The following ARAP3 variants were observed in gnomAD, a reference collection of about 807,000 sequenced individuals.
The protein encoded by ARAP3 is ArfGAP with RhoGAP domain, ankyrin repeat and PH domain 3.
Under a neutral mutation model 169.2 loss-of-function variants are expected in ARAP3, and 82 were observed. The ratio of observed to expected loss-of-function variants is 0.48; its 90% confidence interval spans 0.41 to 0.58. The LOEUF (loss-of-function observed/expected upper bound fraction) is 0.58, where lower values mean the gene tolerates loss of function less well. Ranked by LOEUF, ARAP3 falls within the 20% of genes least tolerant of loss-of-function variation. The pLI is 0.00. For synonymous variants in ARAP3, 791 were observed against 800.3 expected, an observed-to-expected ratio of 0.99 and a Z score of 0.20; for missense variants, 1,764 against 2,018.0, an observed-to-expected ratio of 0.87 and a Z score of 2.41.
Position 141,655,739 on chromosome 5 carries a change from ACTGGCTG to A in ARAP3, c.3985_3991del (p.Gln1329TrpfsTer55). Reference sequence around the variant, plus strand: ...AGAGGAGGAATGGCGTCGTAAGACCACTGGCTGCTGGTCATCGTGCTGGTGGGAGCGT... The same window carrying A: ...AGAGGAGGAATGGCGTCGTAAGACCACTGGTCATCGTGCTGGTGGGAGCGT... On this transcript the variant is annotated frameshift_variant, in exon 31 of 33. Transcript: ENST00000239440. LOFTEE classifies it high-confidence loss of function. 6.2e-7 allele frequency: 1 copy of A among 1,614,164 alleles called. No homozygotes were observed. Among genetic ancestry groups the A allele is most frequent in the East Asian group, 2.2e-5 (1 of 44,876 alleles).
rs530648299 is a variant in ARAP3 at position 141,654,211 on chromosome 5, C to T, written c.4374G>A (p.Gln1458=). The change falls in exon 33 of 33, where the codon CAG becomes CAA. Residue 1458 remains glutamine (Q), a synonymous_variant. Coordinates refer to ENST00000239440, the MANE Select transcript of ARAP3 (RefSeq NM_022481.6). ...PFLSKSSTLG[Q]EERPPEPPPG... ...GAGGGGGCTCAGGTGGCCTCTCCTC[C>T]TGGCCAAGGGTGCTTGACTTGGAGA... 3 of 1,614,168 alleles carry T rather than the reference C, an allele frequency of 1.9e-6. No homozygotes were observed. Among genetic ancestry groups the T allele is most frequent in the South Asian group, 2.2e-5 (2 of 91,088 alleles).
chr5:141,675,910 G>A (rs1426418327), intron 4 of ARAP3, among the ~76,000 whole-genome samples: 1 of 152,044 alleles, frequency 6.6e-6, no homozygotes, highest in African/African-American at 2.4e-5. Flanking sequence ...AAACACTCGT[G>A]TCTAAAGCCA....
intron 19 of ARAP3, among the ~76,000 whole-genome samples, chr5:141,663,838 A>G (rs2099910303): frequency 6.6e-6 from 1 of 152,244 alleles, no homozygotes; most frequent in African/African-American, 2.4e-5. Context: ...TGGGCTCCAC[A>G]ACTGCAGATT....
intron 22 of ARAP3, 117 bp from the exon 23 acceptor site, chr5:141,659,593 G>A (rs2306338): frequency 4.5e-6 from 6 of 1,339,574 alleles, no homozygotes; most frequent in South Asian, 3.7e-5. Flanking sequence ...AAGAACCAAG[G>A]GGGTGAGGAT....
Position 141,666,566 on chromosome 5 carries a change from G to A in ARAP3, c.2430C>T (p.Pro810=), listed in dbSNP as rs1250793965. The stretch of plus-strand genomic sequence containing the variant: ...GACCAGGGGCCGGGGCTGTATGGGA[G>A]GGGGACCGCAGCCATAGGCGGCCCA... ...LRLGRLWLRS[P]SHTAPAPGLW... Residue 810 remains proline, a synonymous_variant, in exon 17 of 33, where the codon CCC becomes CCT. Coordinates refer to ENST00000239440, the MANE Select transcript of ARAP3 (RefSeq NM_022481.6). The A allele has an allele frequency of 1.1e-5, 18 of 1,568,346 alleles. No homozygotes were observed. Among genetic ancestry groups the A allele is most frequent in the East Asian group, 4.7e-5 (2 of 42,788 alleles).
chr5:141,668,807 A>G (rs1306307693), intron 16 of ARAP3, among the ~76,000 whole-genome samples: 1 of 152,132 alleles, frequency 6.6e-6, no homozygotes, highest in Non-Finnish European at 1.5e-5. Context: ...TGGCCTTTGG[A>G]AATGGGAAGG....
rs142901719 is a variant in ARAP3, at chr5:141,680,227, G to A, written c.260C>T (p.Pro87Leu). 5.1e-5 allele frequency: 82 copies of A among 1,613,448 alleles called. No individual in the cohort carries two copies. Among genetic ancestry groups the A allele is most frequent in the Non-Finnish European group, 6.4e-5 (76 of 1,179,724 alleles). Residue 87 changes from proline (P) to leucine (L), a missense_variant, in exon 2 of 33, where the codon CCG becomes CTG. Physicochemically the swap from Pro to Leu is moderately conservative, Grantham distance 98. Around this residue, in one of 3 missense-constraint regions of ARAP3, gnomAD observed 630 missense variants for 678.7 expected, o/e 0.93. Transcript: ENST00000239440. ...SAMEPSPSPA[P>L]QAQPPKPVPK... Reference sequence around the variant, plus strand: ...CACGGGCTTAGGGGGCTGGGCTTGCGGGGCTGGGCTGGGGGATGGTTCCAT... The same window carrying A: ...CACGGGCTTAGGGGGCTGGGCTTGCAGGGCTGGGCTGGGGGATGGTTCCAT...
Position 141,671,709 on chromosome 5 carries a change from GC to G in ARAP3, c.1714del (p.Ala572GlnfsTer59). The G allele has an allele frequency of 1.2e-6, 2 of 1,609,656 alleles. No individual in the cohort carries two copies. The highest frequency in any genetic ancestry group is 1.7e-6 in the Non-Finnish European group (2 of 1,177,710). The stretch of plus-strand genomic sequence containing the variant: ...TCCCTCACCTGGGGGTAGGGTCCCT[GC>G]CCAGAAGCGGTTGGCACGATCATTT... Reference protein sequence around the residue: ...LGNDRANRFWAGTLPPGEGLH... With the variant: ...LGNDRANRFWXGTLPPGEGLH... On this transcript the variant is annotated frameshift_variant, in exon 12 of 33. Transcript: ENST00000239440. LOFTEE classifies it high-confidence loss of function. The surrounding 1 kb of genome is among the most constrained non-coding windows in gnomAD (Gnocchi z 4.9).
Position 141,671,535 on chromosome 5 carries a change from C to A in ARAP3, c.1854+35G>T, listed in dbSNP as rs1238748866. On this transcript the variant is annotated intron_variant, in intron 12 of 32. Coordinates refer to ENST00000239440, the MANE Select transcript of ARAP3 (RefSeq NM_022481.6). This position sits in a 1 kb window ranked among gnomAD's most constrained non-coding sequence, Gnocchi z 4.9. ...ACTCCAGAGAGTGTTTCCTGACCCC[C>A]CCACCCCAGATCACCCCTGCTCTGT... 8 of 1,612,170 alleles carry A rather than the reference C, an allele frequency of 5.0e-6. No individual in the cohort carries two copies. Among genetic ancestry groups the A allele is most frequent in the Non-Finnish European group, 6.8e-6 (8 of 1,179,460 alleles).
rs540037842 is a variant in ARAP3, at chr5:141,655,541, A to T, written c.4110+80T>A. The T allele has an allele frequency of 1.5e-4, 237 of 1,606,806 alleles. 4 individuals carry two copies. The South Asian group carries it at 2.5e-3, about 17-fold the overall frequency. On this transcript the variant is annotated intron_variant, in intron 31 of 32. Coordinates refer to ENST00000239440, the MANE Select transcript of ARAP3 (RefSeq NM_022481.6). Reference sequence around the variant, plus strand: ...AGTGAGCATAGGGTGGCACCAGGCTAGCAGGCACACCACTGCCTACTGCAA... The same window carrying T: ...AGTGAGCATAGGGTGGCACCAGGCTTGCAGGCACACCACTGCCTACTGCAA...
In ARAP3 at chr5:141,669,783, C is replaced by T. The variant is rs758544678; in HGVS notation, c.2278G>A (p.Ala760Thr). The change falls in exon 16 of 33, where the codon GCT (alanine) becomes ACT (threonine). Residue 760 changes from alanine (A) to threonine (T), a missense_variant. Ala to Thr is a moderately conservative substitution (Grantham distance 58). Coordinates refer to ENST00000239440, the MANE Select transcript of ARAP3 (RefSeq NM_022481.6). ...RFPFSFELIL[A>T]GGRIQHFGTD... ...CCAAAATGCTGGATCCTCCCCCCAG[C>T]GAGGATGAGCTCAAAGGAAAAGGGG... 1.1e-5 allele frequency: 17 copies of T among 1,613,898 alleles called. No individual in the cohort carries two copies. Among genetic ancestry groups the T allele is most frequent in the South Asian group, 6.6e-5 (6 of 91,078 alleles).
At position 141,673,075 on chromosome 5, in the gene ARAP3, T is replaced by TTGC. The variant is rs773114498; in HGVS notation, c.1028_1030dup (p.Ser343dup). The TTGC allele has an allele frequency of 4.0e-5, 64 of 1,614,062 alleles. No homozygotes were observed. Among genetic ancestry groups the TTGC allele is most frequent in the Non-Finnish European group, 5.1e-5 (60 of 1,180,028 alleles). On this transcript the variant is annotated inframe_insertion, in exon 7 of 33. Transcript: ENST00000239440. The stretch of plus-strand genomic sequence containing the variant: ...GGTGATGACCTGGAACTTGTTGTCC[T>TTGC]TGCTGCTGCGGGTCATCTCAATGGC...
chr5:141,662,259 A>C lies in ARAP3; in HGVS notation c.2801-4T>G. 6.2e-7 allele frequency: 1 copy of C among 1,613,766 alleles called. No individual in the cohort carries two copies. On this transcript the variant is annotated splice_polypyrimidine_tract_variant and splice_region_variant and intron_variant, in intron 19 of 32. Transcript: ENST00000239440. ...TATACACCTTCCAGCCGGAGCCCTG[A>C]GGAGAGCCAGCCGTCTCTGCTCACC...
chr5:141,662,673 C>T (rs2099910120), intron 19 of ARAP3, among the ~76,000 whole-genome samples: 2 of 152,142 alleles, frequency 1.3e-5, no homozygotes, highest in Non-Finnish European at 1.5e-5. Flanking sequence ...AGTCCCCTCC[C>T]CAATGTGCAT....
rs368291615 is a variant in ARAP3, at chr5:141,672,607, C to T, written c.1330G>A (p.Val444Ile). 2.5e-5 allele frequency: 40 copies of T among 1,613,980 alleles called. No individual in the cohort carries two copies. The highest frequency in any genetic ancestry group is 1.6e-4 in the African/African-American group (12 of 75,068). Residue 444 changes from valine to isoleucine, a missense_variant, in exon 9 of 33, where the codon GTC becomes ATC. Transcript: ENST00000239440. The surrounding 1 kb of genome is among the most constrained non-coding windows in gnomAD (Gnocchi z 4.9). ...ICFIELQGCSVRETKSRSFDL... is the reference protein window; with the variant it reads ...ICFIELQGCSIRETKSRSFDL... ...AAGCTTCGACTCTTGGTCTCCCGGA[C>T]GCTGCAGCCCTGCAGTTCGATGAAG... is the stretch of plus-strand genomic sequence containing the variant.
chr5:141,668,158 T>G (rs1596485948), intron 16 of ARAP3, among the ~76,000 whole-genome samples: 1 of 150,984 alleles, frequency 6.6e-6, no homozygotes, highest in Non-Finnish European at 1.5e-5. Context: ...TAGGCTGGAG[T>G]GCAGTGGCAT....
chr5:141,654,698 C>A (rs1396970438), intron 32 of ARAP3, among the ~76,000 whole-genome samples: 1 of 151,542 alleles, frequency 6.6e-6, no homozygotes, highest in Non-Finnish European at 1.5e-5. Context: ...GCATTCACTT[C>A]ATCACTTTCC....
In ARAP3 at chr5:141,659,289, G is replaced by T. The variant is rs150960034; in HGVS notation, c.3336+119C>A. ...TTGGGTTCCCCCTGTCTCCCAAAGA[G>T]CTGAGTGCTAGTGTCCAGAAGGACA... On this transcript the variant is annotated intron_variant, in intron 23 of 32. Transcript: ENST00000239440. 1,964 of 917,418 alleles carry T rather than the reference G, an allele frequency of 2.1e-3. 25 individuals carry two copies. In the African/African-American group the frequency reaches 0.028, roughly 13 times the overall value. The allele number at this position is 917,418 out of a possible 1,614,324, so 56.8% of individuals were successfully genotyped here. A position where few individuals can be genotyped will look rare whatever the true frequency, so the allele number is the denominator to read the frequency against.
At chr5:141,668,450 TAAA>T (rs2099910980) in intron 16 of ARAP3, among the ~76,000 whole-genome samples, 1 of 152,204 alleles carries the variant, frequency 6.6e-6, no homozygotes, top group South Asian at 2.1e-4. Flanking sequence ...CAAATTGCTA[TAAA>T]ATATTCTAAA....
Sources: gnomAD v4.1 joint callset for allele counts (sites outside exome capture counted in the v4.1 genomes callset) on GRCh38, gnomAD v4.1.1 for gene constraint, gnomAD v4.1.1 regional missense constraint, Gnocchi (gnomAD v3.1) non-coding constraint, MANE v1.5 for transcripts, NCBI Gene and HGNC (gene_info 2026-07-23, HGNC 2026-07-21) for gene names.